Variants in TIMELESS observed in about 807,000 individuals in gnomAD.
TIMELESS encodes the protein timeless circadian regulator.
Under a neutral mutation model 164.3 loss-of-function variants are expected in TIMELESS, and 124 were observed. The observed-to-expected ratio is 0.75, with a 90% CI of 0.65 to 0.88. The LOEUF (loss-of-function observed/expected upper bound fraction) is 0.88. TIMELESS is among the 40% of genes least tolerant of loss of function. TIMELESS has a pLI of 0.00. For missense variants in TIMELESS, 1,422 were observed against 1,491.4 expected (o/e 0.95, Z 0.77); for synonymous variants, 564 against 563.4 (o/e 1.00, Z -0.02).
At chr12:56,426,738 T>C (rs990732725) in intron 13 of TIMELESS, among the ~76,000 whole-genome samples, 2 of 152,016 alleles carry the variant, frequency 1.3e-5, no homozygotes, top group Non-Finnish European at 2.9e-5. Flanking sequence ...TTTTGTATTT[T>C]TAGTAGAGAC....
intron 1 of TIMELESS, among the ~76,000 whole-genome samples, chr12:56,436,951 CAG>C (rs1435332781): frequency 5.4e-5 from 8 of 148,270 alleles, no homozygotes; most frequent in Non-Finnish European, 1.2e-4. Flanking sequence ...TTTTTTGAGA[CAG>C]AGTCTCACGC....
rs1253612709 is a variant in TIMELESS, at chr12:56,421,056, C to T, written c.2947G>A (p.Glu983Lys). 7.4e-6 allele frequency: 12 copies of T among 1,614,090 alleles called. No individual in the cohort carries two copies. Among genetic ancestry groups the T allele is most frequent in the African/African-American group, 2.7e-5 (2 of 74,928 alleles). The change falls in exon 24 of 29, where the codon GAA becomes AAA. Residue 983 changes from glutamate (E) to lysine (K), a missense_variant. Transcript: ENST00000553532. ...TCTGAGCCCCCTTCTTCTTCCTCTT[C>T]GCTGTCTTCCTCAGGCAGGTTTTCC... ...EEENLPEEDS[E>K]EEEEGGSEAE...
chr12:56,432,004 A>G (rs774037), intron 7 of TIMELESS, among the ~76,000 whole-genome samples: 63,903 of 151,682 alleles, frequency 0.42, 14,693 homozygotes, highest in East Asian at 0.72. Flanking sequence ...TGGCTAGTAC[A>G]TGACTAACAG....
chr12:56,440,745 T>C (rs374874595), intron 1 of TIMELESS, among the ~76,000 whole-genome samples: 1 of 152,184 alleles, frequency 6.6e-6, no homozygotes, highest in Non-Finnish European at 1.5e-5. Flanking sequence ...CACAAACTAT[T>C]AGCAGTCTGC....
intron 1 of TIMELESS, among the ~76,000 whole-genome samples, chr12:56,448,002 G>A (rs1413975968): frequency 2.0e-5 from 3 of 152,138 alleles, no homozygotes; most frequent in African/African-American, 4.8e-5. Flanking sequence ...GAGAGGGTCA[G>A]GGCCAGACTG....
At position 56,424,821 on chromosome 12, in the gene TIMELESS, G is replaced by C. The variant is rs1291437409; in HGVS notation, c.1809C>G (p.Ile603Met). 1.2e-6 allele frequency: 2 copies of C among 1,614,078 alleles called. No individual in the cohort carries two copies. Residue 603 changes from isoleucine (I) to methionine (M), a missense_variant, in exon 15 of 29, where the codon ATC (isoleucine) becomes ATG (methionine). Physicochemically the swap from Ile to Met is conservative, Grantham distance 10 (BLOSUM62 1). Transcript: ENST00000553532. Reference sequence around the variant, plus strand: ...CCTGGCCAGCCAGGAGACAGTCTTGGATCCGTACCATAGCTTCTGCCCGCT... The same window carrying C: ...CCTGGCCAGCCAGGAGACAGTCTTGCATCCGTACCATAGCTTCTGCCCGCT... ...EEQRAEAMVRIQDCLLAGQAP... is the reference protein window; with the variant it reads ...EEQRAEAMVRMQDCLLAGQAP...
intron 15 of TIMELESS, among the ~76,000 whole-genome samples, chr12:56,424,300 G>A (rs1034606088): frequency 1.3e-5 from 2 of 151,894 alleles, no homozygotes; most frequent in Admixed American, 6.6e-5. Flanking sequence ...TACATGTAAC[G>A]GAGCAAAAAA....
In TIMELESS at chr12:56,423,639, ACTCCTCCTCTTC is replaced by A. The variant is rs771904475; in HGVS notation, c.2023_2034del (p.Glu675_Glu678del). 28 of 1,612,882 alleles carry A rather than the reference ACTCCTCCTCTTC, an allele frequency of 1.7e-5. No individual in the cohort carries two copies. The Middle Eastern group carries it at 4.9e-4, about 28-fold the overall frequency. On this transcript the variant is annotated inframe_deletion, in exon 17 of 29. Transcript: ENST00000553532. ...TTCTCCGACACCTGGACCACTTGCA[ACTCCTCCTCTTC>A]CTCCTCCTCCTCCTCTTCTTCTTCC...
In TIMELESS at chr12:56,447,182, GTTTTTTTT is replaced by G. The variant is rs144004569; in HGVS notation, c.-62+2120_-62+2127del. On this transcript the variant is annotated intron_variant, in intron 1 of 28. Transcript: ENST00000553532. ...ATGCCACCATACCCAGCTAATTTTTGTTTTTTTTTTTTTTTTTTTTTTTTTTTAGTAGA... is the reference window on the plus strand; with the variant it reads ...ATGCCACCATACCCAGCTAATTTTTGTTTTTTTTTTTTTTTTTTTAGTAGA... Among the ~76,000 whole-genome samples the G allele has an allele frequency of 4.9e-3, 440 of 89,288 alleles. 8 individuals carry two copies. The highest frequency in any genetic ancestry group is 0.013 in the African/African-American group (365 of 27,386). 58.6% of individuals were successfully genotyped at this position (89,288 alleles called of 152,430 possible).
At chr12:56,420,919 C>T in intron 24 of TIMELESS, 38 bp from the exon 25 acceptor site, 3 of 1,614,116 alleles carry the variant, frequency 1.9e-6, no homozygotes. Flanking sequence ...GACCCTACTC[C>T]CAAGCCCTCC....
rs1333323542 is a variant in TIMELESS, at chr12:56,420,883, T to C, written c.3041-2A>G. The C allele has an allele frequency of 1.2e-6, 2 of 1,614,132 alleles. No individual in the cohort carries two copies. The highest frequency in any genetic ancestry group is 2.2e-5 in the South Asian group (2 of 91,074). On this transcript the variant is annotated splice_acceptor_variant, in intron 24 of 28. Coordinates refer to ENST00000553532, the MANE Select transcript of TIMELESS (RefSeq NM_003920.5). LOFTEE classifies it high-confidence loss of function. ...GCCATAGGAGCGGGATAGAAAAGCCTAAGGAAATGAGGGAAACTTACATTT... is the reference window on the plus strand; with the variant it reads ...GCCATAGGAGCGGGATAGAAAAGCCCAAGGAAATGAGGGAAACTTACATTT...
intron 1 of TIMELESS, among the ~76,000 whole-genome samples, chr12:56,437,784 G>A (rs1439356994): frequency 2.0e-5 from 3 of 152,126 alleles, no homozygotes; most frequent in African/African-American, 7.2e-5. Flanking sequence ...TCCTTATGAT[G>A]ACCCCGTATG....
Position 56,423,981 on chromosome 12 carries a change from A to AT in TIMELESS, c.1869-88dup. The AT allele has an allele frequency of 4.1e-6, 5 of 1,217,088 alleles. No individual in the cohort carries two copies. The Middle Eastern group carries it at 6.8e-4, about 165-fold the overall frequency. The allele number at this position is 1,217,088 out of a possible 1,614,324, so 75.4% of individuals were successfully genotyped here. A position where few individuals can be genotyped will look rare whatever the true frequency, so the allele number is the denominator to read the frequency against. ...GAAGTAGAAGAAGGAATTTAGACTT[A>AT]TTTCTTTTGTTGGCCAGAAACAGAA... On this transcript the variant is annotated intron_variant, in intron 15 of 28. Transcript: ENST00000553532.
At chr12:56,430,801 G>A in intron 9 of TIMELESS, 80 bp downstream of exon 9, 1 of 993,052 alleles carries the variant, frequency 1.0e-6, no homozygotes, top group Non-Finnish European at 1.5e-6. Flanking sequence ...ACCAGGCACA[G>A]CCAAGAACTC....
chr12:56,418,230 C>T lies in TIMELESS; in HGVS notation c.3358G>A (p.Gly1120Ser). The T allele has an allele frequency of 6.2e-7, 1 of 1,614,184 alleles. No homozygotes were observed. Residue 1120 changes from glycine (G) to serine (S), a missense_variant, in exon 27 of 29, where the codon GGC (glycine) becomes AGC (serine). Gly to Ser is a moderately conservative substitution (Grantham distance 56). Transcript: ENST00000553532. ...TCTTTACAGTGCTCCTCATCAGAGC[C>T]TTGCTCTCCAGGGACTTTAGGCTGC... Reference protein sequence around the residue: ...ELQPKVPGEQGSDEEHCKEHR... With the variant: ...ELQPKVPGEQSSDEEHCKEHR...
intron 28 of TIMELESS, 28 bp from the exon 29 acceptor site, chr12:56,417,814 G>A: frequency 1.2e-6 from 2 of 1,613,990 alleles, no homozygotes; most frequent in African/African-American, 1.3e-5. Flanking sequence ...GTGAGAGAGA[G>A]AGAGAATATC....
rs1881756619 is a variant in TIMELESS, at chr12:56,428,600, T to C, written c.1357A>G (p.Met453Val). ...ACAGCCTCATCTGGAGATATGTCCA[T>C]CTCATTCACTGTTGCCAGCAGCTCC... is the stretch of plus-strand genomic sequence containing the variant. Reference protein sequence around the residue: ...YQELLATVNEMDISPDEAVRE... With the variant: ...YQELLATVNEVDISPDEAVRE... Residue 453 changes from methionine (M) to valine (V), a missense_variant, in exon 12 of 29, where the codon ATG (methionine) becomes GTG (valine). Coordinates refer to ENST00000553532, the MANE Select transcript of TIMELESS (RefSeq NM_003920.5). 1.2e-6 allele frequency: 2 copies of C among 1,614,114 alleles called. No homozygotes were observed. The highest frequency in any genetic ancestry group is 2.7e-5 in the African/African-American group (2 of 75,038).
chr12:56,441,918 C>T (rs1186930305), intron 1 of TIMELESS, among the ~76,000 whole-genome samples: 2 of 151,900 alleles, frequency 1.3e-5, no homozygotes, highest in Non-Finnish European at 2.9e-5. Context: ...CCCGTCTCTA[C>T]TAAAACTAAC....
chr12:56,433,761 T>C lies in TIMELESS; in HGVS notation c.251+12A>G. ...TGGCAGGTGGCAAAAGTTTAAAAGC[T>C]AGGGAGGCAACCTGATAACAGCATC... On this transcript the variant is annotated intron_variant, in intron 3 of 28. Coordinates refer to ENST00000553532, the MANE Select transcript of TIMELESS (RefSeq NM_003920.5). 1.2e-6 allele frequency: 2 copies of C among 1,613,944 alleles called. No homozygotes were observed. The highest frequency in any genetic ancestry group is 1.7e-6 in the Non-Finnish European group (2 of 1,179,890).
Sources: allele counts gnomAD v4.1 joint callset (sites outside exome capture counted in the v4.1 genomes callset), GRCh38; gene constraint gnomAD v4.1.1; transcripts MANE v1.5; gene names NCBI Gene and HGNC (gene_info 2026-07-23, HGNC 2026-07-21).